LRRC7: variants seen among roughly 807,000 people sequenced by gnomAD.
LRRC7 encodes leucine rich repeat containing 7, also known as leucine-rich repeat-containing protein 7.
A neutral mutation model predicts 175.7 loss-of-function variants in LRRC7; 23 were observed. The observed-to-expected ratio is 0.13, with a 90% CI of 0.09 to 0.19. LRRC7 has a LOEUF of 0.19. Ranked by LOEUF, LRRC7 falls within the 10% of genes least tolerant of loss-of-function variation. The probability of loss-of-function intolerance (pLI) is 1.00; values close to 1 mark genes in which losing one functional copy is unlikely to be tolerated. For missense variants in LRRC7, 1,354 were observed against 1,904.7 expected (o/e 0.71, Z 5.38); for synonymous variants, 685 against 680.9 (o/e 1.01, Z -0.09).
At chr1:69,910,787 C>A (rs1357370099) in intron 7 of LRRC7, among the ~76,000 whole-genome samples, 1 of 152,220 alleles carries the variant, frequency 6.6e-6, no homozygotes, top group Admixed American at 6.5e-5. Context: ...TTGTCTGTGC[C>A]CTGCCCCCAG....
chr1:69,578,701 C>T (rs1438320296), intron 1 of LRRC7, among the ~76,000 whole-genome samples: 2 of 148,644 alleles, frequency 1.3e-5, no homozygotes, highest in Non-Finnish European at 3.0e-5. Context: ...AACAAAAAAC[C>T]AAACACCACA....
chr1:69,841,745 C>T (rs1681757102), intron 7 of LRRC7, among the ~76,000 whole-genome samples: 1 of 152,110 alleles, frequency 6.6e-6, no homozygotes, highest in Non-Finnish European at 1.5e-5. Context: ...TGCGGACTCT[C>T]CAGTGCCTTA....
intron 1 of LRRC7, among the ~76,000 whole-genome samples, chr1:69,610,665 T>A (rs1648578498): frequency 6.6e-6 from 1 of 152,026 alleles, no homozygotes; most frequent in Admixed American, 6.6e-5. Flanking sequence ...ATATATTTAA[T>A]TTTTTACATA....
At chr1:70,059,492 TG>T (rs1661410759) in intron 23 of LRRC7, among the ~76,000 whole-genome samples, 1 of 151,562 alleles carries the variant, frequency 6.6e-6, no homozygotes. Flanking sequence ...TGTGTGTGTG[TG>T]TGTGTGTGTG....
intron 1 of LRRC7, among the ~76,000 whole-genome samples, chr1:69,643,526 T>A (rs966335032): frequency 6.6e-6 from 1 of 152,172 alleles, no homozygotes; most frequent in South Asian, 2.1e-4. Context: ...GTTTTCCTAA[T>A]GGTGTGTCCC....
intron 1 of LRRC7, among the ~76,000 whole-genome samples, chr1:69,579,675 A>G (rs1328880875): frequency 1.3e-5 from 2 of 152,108 alleles, no homozygotes; most frequent in Admixed American, 1.3e-4. Context: ...TCTTGTAGCC[A>G]TTAGCACAGT....
At chr1:69,831,211 G>C (rs111272819) in intron 5 of LRRC7, among the ~76,000 whole-genome samples, 1 of 151,834 alleles carries the variant, frequency 6.6e-6, no homozygotes, top group African/African-American at 2.4e-5. Flanking sequence ...TTTAACATTC[G>C]TCTAATTTTA....
chr1:69,913,511 T>C (rs946608293), intron 7 of LRRC7, among the ~76,000 whole-genome samples: 1 of 151,770 alleles, frequency 6.6e-6, no homozygotes, highest in Non-Finnish European at 1.5e-5. Context: ...GAAGTTTCCT[T>C]TTTTTTTGTT....
chr1:69,953,207 C>T (rs1650131161), intron 8 of LRRC7, among the ~76,000 whole-genome samples: 1 of 151,920 alleles, frequency 6.6e-6, no homozygotes, highest in Admixed American at 6.6e-5. Flanking sequence ...TTCGTATGTG[C>T]AGCATGCTTC....
chr1:69,604,489 C>T (rs1425378232), intron 1 of LRRC7, among the ~76,000 whole-genome samples: 8 of 152,086 alleles, frequency 5.3e-5, no homozygotes, highest in African/African-American at 1.9e-4. Context: ...ATATTCAAAA[C>T]ATGAAACTAG....
intron 7 of LRRC7, among the ~76,000 whole-genome samples, chr1:69,863,015 A>G (rs925577810): frequency 1.3e-5 from 2 of 152,208 alleles, no homozygotes; most frequent in South Asian, 4.1e-4. Context: ...TTCATCATTT[A>G]CATCACTATC....
rs1198730531 is a variant in LRRC7 at position 70,135,454 on chromosome 1, G to A, written c.*13567G>A. Among the ~76,000 whole-genome samples, 2 of 152,176 alleles carry A rather than the reference G, an allele frequency of 1.3e-5. No homozygotes were observed. The highest frequency in any genetic ancestry group is 2.9e-5 in the Non-Finnish European group (2 of 68,040). ...AACAAATGGAAATATCATCTAGGCTGGGTTGGGGTGCAGGACCCCCAGCAG... is the reference window on the plus strand; with the variant it reads ...AACAAATGGAAATATCATCTAGGCTAGGTTGGGGTGCAGGACCCCCAGCAG... On this transcript the variant is annotated 3_prime_UTR_variant, in exon 27 of 27. Coordinates refer to ENST00000651989, the MANE Select transcript of LRRC7 (RefSeq NM_001370785.2).
chr1:70,092,107 G>A (rs1571302285), intron 25 of LRRC7, among the ~76,000 whole-genome samples: 1 of 152,200 alleles, frequency 6.6e-6, no homozygotes, highest in African/African-American at 2.4e-5. Context: ...ATTCAGCTGT[G>A]TTTTTTAGCC....
chr1:69,710,278 C>CAAAAAAAAAAAAAA (rs77553066), intron 2 of LRRC7, among the ~76,000 whole-genome samples: 1 of 87,214 alleles, frequency 1.1e-5, no homozygotes, highest in Non-Finnish European at 2.2e-5. Flanking sequence ...GACTCCGTCT[C>CAAAAAAAAAAAAAA]AAAAAAAAAA....
At chr1:69,754,607 T>C (rs967253151) in intron 2 of LRRC7, among the ~76,000 whole-genome samples, 11 of 151,984 alleles carry the variant, frequency 7.2e-5, no homozygotes, top group Non-Finnish European at 1.2e-4. Context: ...ATTCTAGTAT[T>C]TTACAGATGA....
chr1:69,592,805 C>T (rs921876332), intron 1 of LRRC7, among the ~76,000 whole-genome samples: 8 of 151,908 alleles, frequency 5.3e-5, no homozygotes, highest in Non-Finnish European at 8.8e-5. Flanking sequence ...ATTTATATTC[C>T]CAATTTTACA....
intron 1 of LRRC7, among the ~76,000 whole-genome samples, chr1:69,628,428 A>G (rs963592041): frequency 1.3e-5 from 2 of 152,184 alleles, no homozygotes; most frequent in African/African-American, 4.8e-5. Context: ...CAAAATATGT[A>G]CAAGATCAAT....
rs113918841 is a variant in LRRC7 at position 69,617,112 on chromosome 1, A to G, written c.2+48471A>G. On this transcript the variant is annotated intron_variant, in intron 1 of 26. Transcript: ENST00000651989. ...AGAAATTCAATTTCTAATCCGTAAC[A>G]TGGCTGAGAATTGCAGTGGTCAGTT... 1.9e-3 allele frequency among the ~76,000 whole-genome samples: 282 copies of G among 152,238 alleles called. 1 individual carries two copies. Among genetic ancestry groups the G allele is most frequent in the African/African-American group, 6.4e-3 (268 of 41,558 alleles).
chr1:69,636,298 A>G (rs1406128178), intron 1 of LRRC7, among the ~76,000 whole-genome samples: 1 of 151,958 alleles, frequency 6.6e-6, no homozygotes, highest in East Asian at 1.9e-4. Context: ...TCTGTTAGGC[A>G]TTTTTCTTAG....
Sources: gnomAD v4.1 joint callset for allele counts (sites outside exome capture counted in the v4.1 genomes callset) on GRCh38, gnomAD v4.1.1 for gene constraint, MANE v1.5 for transcripts, NCBI Gene and HGNC (gene_info 2026-07-23, HGNC 2026-07-21) for gene names.